Variants in RNF11 observed in about 807,000 individuals in gnomAD.
The protein encoded by RNF11 is ring finger protein 11.
Under a neutral mutation model 15.8 loss-of-function variants are expected in RNF11, and 4 were observed. The ratio of observed to expected loss-of-function variants is 0.25; its 90% confidence interval spans 0.12 to 0.58. The LOEUF (loss-of-function observed/expected upper bound fraction) is 0.58. Ranked by LOEUF, RNF11 falls within the 20% of genes least tolerant of loss-of-function variation. RNF11 has a pLI of 0.91. For missense variants in RNF11, 139 were observed against 194.4 expected (o/e 0.71, Z 1.70); for synonymous variants, 68 against 72.3 (o/e 0.94, Z 0.30).
chr1:51,270,654 T>C (rs1439431563), intron 2 of RNF11, among the ~76,000 whole-genome samples: 1 of 152,220 alleles, frequency 6.6e-6, no homozygotes, highest in African/African-American at 2.4e-5. Context: ...TTTACAGTTA[T>C]TAAAATGAAA....
chr1:51,271,871 G>A lies in RNF11; in HGVS notation c.*549G>A, dbSNP rs1646980352. 6.6e-6 allele frequency: 1 copy of A among 152,668 alleles called. No homozygotes were observed. The highest frequency in any genetic ancestry group is 1.9e-4 in the East Asian group (1 of 5,188). The allele number at this position is 152,668 out of a possible 1,614,324, so 9.5% of individuals were successfully genotyped here. A position where few individuals can be genotyped will look rare whatever the true frequency, so the allele number is the denominator to read the frequency against. On this transcript the variant is annotated 3_prime_UTR_variant, in exon 3 of 3. Coordinates refer to ENST00000242719, the MANE Select transcript of RNF11 (RefSeq NM_014372.5). ...ATTGCCTTAGGTCTTTTTAAATAGT[G>A]TATTATTATCGTTGGGGCTGGCTCT...
intron 1 of RNF11, among the ~76,000 whole-genome samples, chr1:51,238,385 CTG>C (rs368586024): frequency 3.7e-4 from 56 of 152,292 alleles, no homozygotes; most frequent in African/African-American, 1.3e-3. Context: ...GGTAGAGAAT[CTG>C]TGTTTCCGGT....
chr1:51,271,488 A>G lies in RNF11; in HGVS notation c.*166A>G. On this transcript the variant is annotated 3_prime_UTR_variant, in exon 3 of 3. Transcript: ENST00000242719. ...TGGGGGAAAAAGTACGTGATATTTT[A>G]GAAACTTAGTGGGAAAAGTAGGATG... 1 of 553,452 alleles carries G rather than the reference A, an allele frequency of 1.8e-6. No individual in the cohort carries two copies. Among genetic ancestry groups the G allele is most frequent in the Non-Finnish European group, 3.2e-6 (1 of 315,528 alleles). 34.3% of individuals were successfully genotyped at this position (553,452 alleles called of 1,614,324 possible). A position where few individuals can be genotyped will look rare whatever the true frequency, so the allele number is the denominator to read the frequency against.
rs756368829 is a variant in RNF11 at position 51,236,727 on chromosome 1, C to G, written c.-30C>G. 6.2e-7 allele frequency: 1 copy of G among 1,608,254 alleles called. No homozygotes were observed. Among genetic ancestry groups the G allele is most frequent in the Non-Finnish European group, 8.5e-7 (1 of 1,177,726 alleles). ...AACGACCCCACCGCTGCTTTCTCCT[C>G]CCCCAGATCACGCACCCCAGCTCCG... On this transcript the variant is annotated 5_prime_UTR_variant, in exon 1 of 3. Coordinates refer to ENST00000242719, the MANE Select transcript of RNF11 (RefSeq NM_014372.5).
chr1:51,239,624 C>T (rs1482004729), intron 1 of RNF11, among the ~76,000 whole-genome samples: 1 of 152,188 alleles, frequency 6.6e-6, no homozygotes, highest in Non-Finnish European at 1.5e-5. Flanking sequence ...GGATTGCTCA[C>T]TTGGCAGCCT....
chr1:51,267,829 A>C (rs1237053808), intron 1 of RNF11, among the ~76,000 whole-genome samples: 3 of 152,164 alleles, frequency 2.0e-5, no homozygotes, highest in African/African-American at 7.2e-5. Context: ...CTCCCGGGTT[A>C]AAGCAGTTCT....
At chr1:51,237,272 C>G (rs1228517282) in intron 1 of RNF11, among the ~76,000 whole-genome samples, 2 of 151,872 alleles carry the variant, frequency 1.3e-5, no homozygotes, top group African/African-American at 2.4e-5. Context: ...ACCACCCCCC[C>G]GCCCCATTTA....
At position 51,271,333 on chromosome 1, in the gene RNF11, C is replaced by G; in HGVS notation, c.*11C>G. The G allele has an allele frequency of 6.2e-7, 1 of 1,600,504 alleles. No homozygotes were observed. Among genetic ancestry groups the G allele is most frequent in the South Asian group, 1.1e-5 (1 of 89,446 alleles). ...TATGAGACTAATTGAGCCAGGGTCT[C>G]TTATCTGACTTCAAGTGAACCACCA... On this transcript the variant is annotated 3_prime_UTR_variant, in exon 3 of 3. Coordinates refer to ENST00000242719, the MANE Select transcript of RNF11 (RefSeq NM_014372.5).
intron 1 of RNF11, among the ~76,000 whole-genome samples, chr1:51,252,845 G>T (rs1646886237): frequency 6.7e-6 from 1 of 150,328 alleles, no homozygotes; most frequent in Non-Finnish European, 1.5e-5. Context: ...GTTTGGGGGG[G>T]ACAGAGAGTC....
intron 1 of RNF11, among the ~76,000 whole-genome samples, chr1:51,262,650 A>G (rs1209221431): frequency 3.3e-5 from 5 of 150,790 alleles, no homozygotes; most frequent in African/African-American, 1.2e-4. Flanking sequence ...AGGTTCAAGC[A>G]GTTCTTGTGC....
intron 1 of RNF11, among the ~76,000 whole-genome samples, chr1:51,259,238 C>T (rs1172885136): frequency 6.6e-6 from 1 of 152,150 alleles, no homozygotes; most frequent in Non-Finnish European, 1.5e-5. Flanking sequence ...TACAGGACAG[C>T]CCCTACAACA....
chr1:51,256,840 A>T (rs1472553527), intron 1 of RNF11, among the ~76,000 whole-genome samples: 1 of 151,976 alleles, frequency 6.6e-6, no homozygotes, highest in East Asian at 1.9e-4. Context: ...TGCCCAGCTA[A>T]TTTTTGCATT....
chr1:51,251,546 T>G (rs1005582473), intron 1 of RNF11: 1 of 573,210 alleles, frequency 1.7e-6, no homozygotes, highest in East Asian at 2.9e-5. Flanking sequence ...TTTTGAAATA[T>G]CAAAAAATTA....
chr1:51,256,315 AGTAT>A (rs1557680403), intron 1 of RNF11, among the ~76,000 whole-genome samples: 1 of 152,210 alleles, frequency 6.6e-6, no homozygotes, highest in African/African-American at 2.4e-5. Context: ...GGAATCATAC[AGTAT>A]GTAGCCTTTT....
At chr1:51,270,465 T>A (rs1646973376) in intron 2 of RNF11, among the ~76,000 whole-genome samples, 1 of 151,984 alleles carries the variant, frequency 6.6e-6, no homozygotes, top group Non-Finnish European at 1.5e-5. Context: ...ATACGAAAAT[T>A]AGCCAGGCAT....
rs145633868 is a variant in RNF11, at chr1:51,264,380, C to G, written c.124-5576C>G. ...AGATGTGATGCTAGCTTTTACATCT[C>G]TCTGTGTAATTGTTCAGGAACTGCA... On this transcript the variant is annotated intron_variant, in intron 1 of 2. Transcript: ENST00000242719. Among the ~76,000 whole-genome samples, 518 of 143,652 alleles carry G rather than the reference C, an allele frequency of 3.6e-3. 2 individuals are homozygous for G. The highest frequency in any genetic ancestry group is 0.013 in the African/African-American group (510 of 38,516). The allele number at this position is 143,652 out of a possible 152,430, so 94.2% of individuals were successfully genotyped here.
intron 1 of RNF11, among the ~76,000 whole-genome samples, chr1:51,255,998 A>G (rs1646902683): frequency 6.6e-6 from 1 of 152,176 alleles, no homozygotes; most frequent in Non-Finnish European, 1.5e-5. Flanking sequence ...ATTTCTGCAA[A>G]TGAGCCAGCT....
At chr1:51,252,318 G>A (rs1308769455) in intron 1 of RNF11, among the ~76,000 whole-genome samples, 6 of 152,070 alleles carry the variant, frequency 3.9e-5, no homozygotes, top group Non-Finnish European at 1.5e-5. Context: ...TCAAAGTTTA[G>A]GCCATGCATG....
At chr1:51,259,410 A>G (rs917606811) in intron 1 of RNF11, among the ~76,000 whole-genome samples, 2 of 152,240 alleles carry the variant, frequency 1.3e-5, no homozygotes, top group Non-Finnish European at 2.9e-5. Flanking sequence ...GCAAAGATAA[A>G]TGAATTTAAG....
Sources: gnomAD v4.1 joint callset for allele counts (sites outside exome capture counted in the v4.1 genomes callset) on GRCh38, gnomAD v4.1.1 for gene constraint, MANE v1.5 for transcripts, NCBI Gene and HGNC (gene_info 2026-07-23, HGNC 2026-07-21) for gene names.